The following KPNB1 variants were observed in gnomAD, a reference collection of about 807,000 sequenced individuals.
KPNB1 encodes the protein karyopherin subunit beta 1.
Under a neutral mutation model 113.0 loss-of-function variants are expected in KPNB1, and 7 were observed. The ratio of observed to expected loss-of-function variants is 0.06; its 90% CI spans 0.04 to 0.12. KPNB1 has a LOEUF of 0.12. KPNB1 is among the 10% of genes least tolerant of loss of function. The pLI is 1.00. For missense variants in KPNB1, 400 were observed against 1,054.8 expected, an observed-to-expected ratio of 0.38 and a Z score of 8.60; for synonymous variants, 363 against 378.6, an observed-to-expected ratio of 0.96 and a Z score of 0.48.
At chr17:47,671,377 C>T (rs1046442232) in intron 12 of KPNB1, among the ~76,000 whole-genome samples, 7 of 152,204 alleles carry the variant, frequency 4.6e-5, no homozygotes, top group African/African-American at 1.4e-4. Flanking sequence ...TGTAATTTCT[C>T]TGCTTTCTTT....
rs1294413906 is a variant in KPNB1, at chr17:47,682,488, C to CG, written c.*86dup. The CG allele has an allele frequency of 1.3e-6, 1 of 774,536 alleles. No homozygotes were observed. Among genetic ancestry groups the CG allele is most frequent in the Non-Finnish European group, 2.4e-6 (1 of 416,280 alleles). The allele number at this position is 774,536 out of a possible 1,614,324, so 48.0% of individuals were successfully genotyped here. ...AAAACCTGGAAGTGAGGAGTGTGCA[C>CG]GGATGCTGAATGTTTGGGAATGAGA... On this transcript the variant is annotated 3_prime_UTR_variant, in exon 22 of 22. Coordinates refer to ENST00000290158, the MANE Select transcript of KPNB1 (RefSeq NM_002265.6).
At chr17:47,671,531 TATTAATTA>T (rs34622766) in intron 12 of KPNB1, among the ~76,000 whole-genome samples, 14 of 150,848 alleles carry the variant, frequency 9.3e-5, no homozygotes, top group African/African-American at 2.2e-4. Context: ...TATTTTATTT[TATTAATTA>T]ATTAATTAAT....
At chr17:47,672,928 C>A (rs970946370) in intron 12 of KPNB1, 90 bp from the exon 13 acceptor site, 1 of 1,243,090 alleles carries the variant, frequency 8.0e-7, no homozygotes, top group Admixed American at 2.4e-5. Flanking sequence ...CATACCGGTT[C>A]CTGAGTTCTT....
At chr17:47,674,317 T>A (rs1357660324) in intron 14 of KPNB1, among the ~76,000 whole-genome samples, 1 of 152,184 alleles carries the variant, frequency 6.6e-6, no homozygotes, top group African/African-American at 2.4e-5. Flanking sequence ...CTGAAGTAAT[T>A]TAACTATCAT....
chr17:47,666,577 T>C (rs1325126308), intron 9 of KPNB1, among the ~76,000 whole-genome samples: 2 of 144,556 alleles, frequency 1.4e-5, no homozygotes, highest in African/African-American at 5.0e-5. Context: ...ATATATTTTA[T>C]ATGTACTACA....
Position 47,661,148 on chromosome 17 carries a change from C to T in KPNB1, c.666C>T (p.Val222=), listed in dbSNP as rs2030081216. The T allele has an allele frequency of 1.2e-6, 2 of 1,613,340 alleles. No individual in the cohort carries two copies. The highest frequency in any genetic ancestry group is 1.7e-6 in the Non-Finnish European group (2 of 1,179,438). ...ESERHFIMQV[V]CEATQCPDTR... The stretch of plus-strand genomic sequence containing the variant: ...AAAGGCACTTTATTATGCAGGTGGT[C>T]TGTGAAGCCACACAGTGTCCAGATA... The change falls in exon 6 of 22, where the codon GTC becomes GTT. Residue 222 remains valine, a synonymous_variant. Transcript: ENST00000290158.
At chr17:47,662,186 A>AGCT (rs1324944777) in intron 6 of KPNB1, 1 of 152,286 alleles carries the variant, frequency 6.6e-6, no homozygotes, top group African/African-American at 2.4e-5. Flanking sequence ...TCTGTAATCC[A>AGCT]GCTACTCAGG....
chr17:47,672,747 A>AT (rs370516714), intron 12 of KPNB1, among the ~76,000 whole-genome samples: 7 of 152,212 alleles, frequency 4.6e-5, no homozygotes, highest in Admixed American at 3.3e-4. Flanking sequence ...TGTTCACATG[A>AT]TTTTTTACCA....
At chr17:47,653,832 G>C (rs1434987276) in intron 3 of KPNB1, among the ~76,000 whole-genome samples, 1 of 152,172 alleles carries the variant, frequency 6.6e-6, no homozygotes, top group Non-Finnish European at 1.5e-5. Context: ...ATGATAAGGA[G>C]CCGGGTTATT....
rs1195459155 is a variant in KPNB1 at position 47,684,882 on chromosome 17, G to C, written c.*2478G>C. Reference sequence around the variant, plus strand: ...TGCCAGTGGGTTTTCCATAGTCTGGGTATTTGTCCTTATATCAGTTATACC... The same window carrying C: ...TGCCAGTGGGTTTTCCATAGTCTGGCTATTTGTCCTTATATCAGTTATACC... On this transcript the variant is annotated 3_prime_UTR_variant, in exon 22 of 22. Coordinates refer to ENST00000290158, the MANE Select transcript of KPNB1 (RefSeq NM_002265.6). 1 of 152,356 alleles carries C rather than the reference G, an allele frequency of 6.6e-6. No individual in the cohort carries two copies. The highest frequency in any genetic ancestry group is 2.4e-5 in the African/African-American group (1 of 41,412). The allele number at this position is 152,356 out of a possible 1,614,324, so 9.4% of individuals were successfully genotyped here. A position where few individuals can be genotyped will look rare whatever the true frequency, so the allele number is the denominator to read the frequency against.
chr17:47,677,365 G>C (rs547583256), intron 17 of KPNB1, among the ~76,000 whole-genome samples: 1 of 151,622 alleles, frequency 6.6e-6, no homozygotes, highest in Non-Finnish European at 1.5e-5. Context: ...CCAGCTACTC[G>C]GAAGGCTGAG....
chr17:47,666,211 C>T (rs373637232), intron 9 of KPNB1, among the ~76,000 whole-genome samples: 1 of 151,846 alleles, frequency 6.6e-6, no homozygotes, highest in African/African-American at 2.4e-5. Context: ...CACCACCACG[C>T]CCAGCTAATT....
chr17:47,674,523 C>A, intron 14 of KPNB1, 115 bp from the exon 15 acceptor site: 1 of 963,958 alleles, frequency 1.0e-6, no homozygotes, highest in Non-Finnish European at 1.6e-6. Flanking sequence ...ATACATTTGG[C>A]ATTCCCAAAA....
chr17:47,666,394 TTGTGTGTGTGTGTGTG>T (rs140549997), intron 9 of KPNB1, among the ~76,000 whole-genome samples: 1 of 139,654 alleles, frequency 7.2e-6, no homozygotes, highest in Admixed American at 7.5e-5. Flanking sequence ...GTCTTTACTT[TTGTGTGTGTGTGTGTG>T]TGTGTGTGTG....
At position 47,682,912 on chromosome 17, in the gene KPNB1, A is replaced by G. The variant is rs1953267389; in HGVS notation, c.*508A>G. 2 of 157,410 alleles carry G rather than the reference A, an allele frequency of 1.3e-5. No individual in the cohort carries two copies. The highest frequency in any genetic ancestry group is 2.8e-5 in the Non-Finnish European group (2 of 70,788). 9.8% of individuals were successfully genotyped at this position (157,410 alleles called of 1,614,324 possible). A position where few individuals can be genotyped will look rare whatever the true frequency, so the allele number is the denominator to read the frequency against. ...TGCCACATGGTACTGTATGCTTGCC[A>G]GCTAGAAGGAGGGTCAGGGATTTTT... On this transcript the variant is annotated 3_prime_UTR_variant, in exon 22 of 22. Coordinates refer to ENST00000290158, the MANE Select transcript of KPNB1 (RefSeq NM_002265.6).
chr17:47,679,176 T>C (rs956801319), intron 19 of KPNB1, among the ~76,000 whole-genome samples: 11 of 152,022 alleles, frequency 7.2e-5, no homozygotes, highest in African/African-American at 2.7e-4. Flanking sequence ...ATCTCCCACC[T>C]TGGGCTCCCA....
chr17:47,680,386 A>G (rs1284059775), intron 20 of KPNB1, 122 bp from the exon 21 acceptor site: 3 of 1,147,550 alleles, frequency 2.6e-6, no homozygotes, highest in African/African-American at 1.6e-5. Flanking sequence ...AGTGACCTCT[A>G]CTGAGGGTTT....
At position 47,650,414 on chromosome 17, in the gene KPNB1, G is replaced by C; in HGVS notation, c.69G>C (p.Lys23Asn). 1 of 1,609,708 alleles carries C rather than the reference G, an allele frequency of 6.2e-7. No homozygotes were observed. The highest frequency in any genetic ancestry group is 8.5e-7 in the Non-Finnish European group (1 of 1,178,984). Reference protein sequence around the residue: ...PDRLELEAAQKFLERAAVENL... With the variant: ...PDRLELEAAQNFLERAAVENL... ...GGCTGGAGCTGGAAGCGGCGCAGAA[G>C]TTCCTGGAGCGTGCGGCCGTGGAGA... The change falls in exon 2 of 22, where the codon AAG becomes AAC. Residue 23 changes from lysine (K) to asparagine (N), a missense_variant. Physicochemically the swap from Lys to Asn is moderately conservative, Grantham distance 94. Around this residue, in one of 2 missense-constraint regions of KPNB1, gnomAD observed 285 missense variants for 627.0 expected, o/e 0.45. Coordinates refer to ENST00000290158, the MANE Select transcript of KPNB1 (RefSeq NM_002265.6).
In KPNB1 at chr17:47,684,490, T is replaced by A. The variant is rs934658949; in HGVS notation, c.*2086T>A. 1 of 152,150 alleles carries A rather than the reference T, an allele frequency of 6.6e-6. No individual in the cohort carries two copies. Among genetic ancestry groups the A allele is most frequent in the Non-Finnish European group, 1.5e-5 (1 of 68,020 alleles). The allele number at this position is 152,150 out of a possible 1,614,324, so 9.4% of individuals were successfully genotyped here. ...TTCAGTTGTTCTTTGAGAGACAGAA[T>A]GATGTACTAACCATTCGTGATTATT... On this transcript the variant is annotated 3_prime_UTR_variant, in exon 22 of 22. Coordinates refer to ENST00000290158, the MANE Select transcript of KPNB1 (RefSeq NM_002265.6).
Sources: allele counts gnomAD v4.1 joint callset (sites outside exome capture counted in the v4.1 genomes callset), GRCh38; gene constraint gnomAD v4.1.1; regional missense constraint gnomAD v4.1.1; transcripts MANE v1.5; gene names NCBI Gene and HGNC (gene_info 2026-07-23, HGNC 2026-07-21).